Variants in KCNIP4 observed in about 807,000 individuals in gnomAD.
The protein encoded by KCNIP4 is Kv channel-interacting protein 4.
A neutral mutation model predicts 34.0 loss-of-function variants in KCNIP4; 12 were observed. The observed-to-expected ratio is 0.35, with a 90% CI of 0.23 to 0.57. The LOEUF (loss-of-function observed/expected upper bound fraction) is 0.57. KCNIP4 is among the 20% of genes least tolerant of loss of function. The pLI, the probability that KCNIP4 is intolerant of heterozygous loss-of-function variation, is 0.83. For missense variants in KCNIP4, 238 were observed against 311.7 expected, an observed-to-expected ratio of 0.76 and a Z score of 1.78; for synonymous variants, 124 against 102.2, an observed-to-expected ratio of 1.21 and a Z score of -1.29.
At chr4:20,841,231 A>G (rs1213220161) in intron 3 of KCNIP4, among the ~76,000 whole-genome samples, 2 of 152,186 alleles carry the variant, frequency 1.3e-5, no homozygotes, top group Admixed American at 6.5e-5. Flanking sequence ...CTGGCCTCCA[A>G]TCTTTTTGTT....
intron 1 of KCNIP4, among the ~76,000 whole-genome samples, chr4:21,854,035 T>C (rs192637622): frequency 6.6e-6 from 1 of 152,310 alleles, no homozygotes; most frequent in East Asian, 1.9e-4. Flanking sequence ...GGGCAGTGTC[T>C]ATTTATGCCT....
At chr4:21,475,871 T>C (rs1239218538) in intron 1 of KCNIP4, among the ~76,000 whole-genome samples, 2 of 152,228 alleles carry the variant, frequency 1.3e-5, no homozygotes, top group African/African-American at 4.8e-5. Flanking sequence ...ATTTAATTTT[T>C]AATTTCCGCA....
intron 1 of KCNIP4, among the ~76,000 whole-genome samples, chr4:21,248,794 C>T (rs949584118): frequency 4.6e-5 from 7 of 152,126 alleles, no homozygotes; most frequent in Non-Finnish European, 8.8e-5. Flanking sequence ...CTCCTAAGTA[C>T]TATTATTGTT....
chr4:21,638,123 C>T (rs185194751), intron 1 of KCNIP4, among the ~76,000 whole-genome samples: 51 of 152,244 alleles, frequency 3.3e-4, no homozygotes, highest in Admixed American at 3.3e-3. Context: ...TGAAGGTTTA[C>T]TTCAATTGCT....
At position 20,729,197 on chromosome 4, in the gene KCNIP4, T is replaced by TGTTA. The variant is rs1747061938; in HGVS notation, c.*881_*884dup. 1.3e-5 allele frequency: 2 copies of TGTTA among 151,978 alleles called. No individual in the cohort carries two copies. The highest frequency in any genetic ancestry group is 2.9e-5 in the Non-Finnish European group (2 of 68,002). The allele number at this position is 151,978 out of a possible 1,614,324, so 9.4% of individuals were successfully genotyped here. ...AGAGGACAGATTTGGCCTTTAATGC[T>TGTTA]GTTAGGATTACTTGTTATTAAGCAT... is the stretch of plus-strand genomic sequence containing the variant. On this transcript the variant is annotated 3_prime_UTR_variant, in exon 9 of 9. Transcript: ENST00000382152.
At chr4:20,845,962 T>C (rs1720318985) in intron 3 of KCNIP4, among the ~76,000 whole-genome samples, 1 of 152,200 alleles carries the variant, frequency 6.6e-6, no homozygotes, top group Non-Finnish European at 1.5e-5. Context: ...ATTTCTGAAC[T>C]CCTGATCCTT....
At chr4:21,386,278 G>A (rs150037944) in intron 1 of KCNIP4, among the ~76,000 whole-genome samples, 1,587 of 152,186 alleles carry the variant, frequency 0.01, 28 homozygotes, top group African/African-American at 0.036. Flanking sequence ...TAGACATGAA[G>A]TTCCTCAAAT....
At chr4:21,393,836 T>C (rs1722753158) in intron 1 of KCNIP4, among the ~76,000 whole-genome samples, 1 of 152,094 alleles carries the variant, frequency 6.6e-6, no homozygotes, top group Non-Finnish European at 1.5e-5. Flanking sequence ...TACATTTAGG[T>C]AAACTTAAAA....
chr4:21,249,680 A>G (rs1043952082), intron 1 of KCNIP4, among the ~76,000 whole-genome samples: 1 of 152,066 alleles, frequency 6.6e-6, no homozygotes, highest in Non-Finnish European at 1.5e-5. Context: ...AGCATGGGGC[A>G]TATTAATATG....
chr4:21,450,136 A>G (rs1639352213), intron 1 of KCNIP4, among the ~76,000 whole-genome samples: 1 of 152,170 alleles, frequency 6.6e-6, no homozygotes, highest in Non-Finnish European at 1.5e-5. Flanking sequence ...GAAGCAAATT[A>G]GAATAATACC....
Position 20,758,221 on chromosome 4 carries a change from C to T in KCNIP4, c.358+600G>A, listed in dbSNP as rs548696813. Among the ~76,000 whole-genome samples the T allele has an allele frequency of 5.3e-5, 8 of 152,236 alleles. No homozygotes were observed. The South Asian group carries it at 6.2e-4, about 12-fold the overall frequency. ...CTCTAACATGCATGTATTATCATTA[C>T]GCTATCCTTGTGTTTTCTTTCCAAT... On this transcript the variant is annotated intron_variant, in intron 4 of 8. Coordinates refer to ENST00000382152, the MANE Select transcript of KCNIP4 (RefSeq NM_025221.6).
chr4:21,137,986 C>T (rs1751641803), intron 1 of KCNIP4, among the ~76,000 whole-genome samples: 1 of 150,714 alleles, frequency 6.6e-6, no homozygotes, highest in South Asian at 2.1e-4. Context: ...ATTCTCCTTC[C>T]TCAGCCTCCC....
intron 1 of KCNIP4, among the ~76,000 whole-genome samples, chr4:21,213,014 A>C (rs1757331990): frequency 6.6e-6 from 1 of 152,176 alleles, no homozygotes; most frequent in African/African-American, 2.4e-5. Flanking sequence ...TTAGGAGGAC[A>C]AGGATGAAAA....
chr4:21,148,687 GA>G (rs200721752), intron 1 of KCNIP4, among the ~76,000 whole-genome samples: 3,934 of 135,384 alleles, frequency 0.029, 182 homozygotes, highest in African/African-American at 0.096. Context: ...TACTACAGAA[GA>G]AAAAAAAAAA....
intron 1 of KCNIP4, among the ~76,000 whole-genome samples, chr4:21,631,726 G>A (rs1441944175): frequency 6.6e-6 from 1 of 152,042 alleles, no homozygotes; most frequent in Non-Finnish European, 1.5e-5. Context: ...TGTGCTCAAT[G>A]GCATCTATGC....
intron 1 of KCNIP4, among the ~76,000 whole-genome samples, chr4:21,413,325 C>T (rs971003194): frequency 6.6e-6 from 1 of 152,152 alleles, no homozygotes; most frequent in Non-Finnish European, 1.5e-5. Flanking sequence ...GGCCATGGAA[C>T]TTTGATCCCT....
chr4:21,064,424 G>T (rs1038783731), intron 1 of KCNIP4, among the ~76,000 whole-genome samples: 13 of 151,600 alleles, frequency 8.6e-5, no homozygotes, highest in African/African-American at 3.1e-4. Context: ...AAAAGAAAAT[G>T]CTGCAATAGT....
At chr4:21,709,293 C>G (rs1297851660) in intron 1 of KCNIP4, among the ~76,000 whole-genome samples, 4 of 152,190 alleles carry the variant, frequency 2.6e-5, no homozygotes, top group Admixed American at 6.5e-5. Context: ...TTCTACTTAC[C>G]AGGTAGAGGT....
intron 1 of KCNIP4, among the ~76,000 whole-genome samples, chr4:21,023,921 T>A (rs1258470635): frequency 6.6e-6 from 1 of 151,966 alleles, no homozygotes; most frequent in Non-Finnish European, 1.5e-5. Flanking sequence ...GAGTTAGCAC[T>A]TCACACTCAG....
Sources: allele counts gnomAD v4.1 joint callset (sites outside exome capture counted in the v4.1 genomes callset), GRCh38; gene constraint gnomAD v4.1.1; transcripts MANE v1.5; gene names NCBI Gene and HGNC (gene_info 2026-07-23, HGNC 2026-07-21).